Variants in KDM5A observed in about 807,000 individuals in gnomAD.
The protein encoded by KDM5A is lysine-specific demethylase 5A.
In KDM5A, 42 loss-of-function variants were observed where a neutral mutation model predicts 193.5. That is an observed-to-expected ratio of 0.22 (90% CI 0.17 to 0.28). KDM5A has a LOEUF of 0.28. KDM5A is among the 10% of genes least tolerant of loss of function. KDM5A has a pLI of 1.00. For missense variants in KDM5A, 1,692 were observed against 2,055.1 expected (o/e 0.82, Z 3.42); for synonymous variants, 796 against 718.1 (o/e 1.11, Z -1.73).
At chr12:330,083 G>A (rs185933096) in intron 13 of KDM5A, among the ~76,000 whole-genome samples, 8,954 of 126,954 alleles carry the variant, frequency 0.071, 637 homozygotes, top group African/African-American at 0.2. Context: ...GTGTGTGTGT[G>A]TGTATATATA....
chr12:360,348 A>C (rs1468195243), intron 5 of KDM5A, among the ~76,000 whole-genome samples: 1 of 152,144 alleles, frequency 6.6e-6, no homozygotes, highest in African/African-American at 2.4e-5. Flanking sequence ...TGAGACAGCT[A>C]AGGAGAGTGA....
rs756358592 is a variant in KDM5A, at chr12:307,024, A to G, written c.3996T>C (p.Pro1332=). 4.3e-6 allele frequency: 7 copies of G among 1,614,074 alleles called. No homozygotes were observed. In the Admixed American group the frequency reaches 5.0e-5, roughly 12 times the overall value. ...NRVVSSVSSS[P]RQTMDYDDEE... is the part of the protein sequence containing the mutation. ...CATCATCATAGTCCATTGTTTGTCG[A>G]GGAGAAGATGACACACTGCTCACCA... The change falls in exon 24 of 28, where the codon CCT becomes CCC. Residue 1332 remains proline, a synonymous_variant. Transcript: ENST00000399788. The surrounding 1 kb of genome is among the most constrained non-coding windows in gnomAD (Gnocchi z 4.3).
At chr12:379,886 T>C (rs1862656088) in intron 3 of KDM5A, among the ~76,000 whole-genome samples, 1 of 152,184 alleles carries the variant, frequency 6.6e-6, no homozygotes, top group African/African-American at 2.4e-5. Context: ...GGATGACCGT[T>C]ATAAGGAGAA....
At chr12:364,925 T>C (rs749972352) in intron 4 of KDM5A, among the ~76,000 whole-genome samples, 5 of 152,150 alleles carry the variant, frequency 3.3e-5, no homozygotes, top group Non-Finnish European at 5.9e-5. Context: ...GCATTATTCA[T>C]AATAGCCATA....
chr12:359,706 C>T (rs1431261622), intron 5 of KDM5A, among the ~76,000 whole-genome samples: 2 of 141,452 alleles, frequency 1.4e-5, no homozygotes, highest in East Asian at 4.5e-4. Context: ...TGCGCCACTG[C>T]ACTCCAGCCT....
chr12:343,644 C>T (rs1357395384), intron 10 of KDM5A, among the ~76,000 whole-genome samples: 1 of 152,200 alleles, frequency 6.6e-6, no homozygotes, highest in Non-Finnish European at 1.5e-5. Context: ...GGACCTCCAA[C>T]AAACTCCAAC....
intron 3 of KDM5A, among the ~76,000 whole-genome samples, chr12:370,343 G>C (rs775655094): frequency 6.6e-6 from 1 of 152,122 alleles, no homozygotes. Context: ...CAGGGAGCTG[G>C]TTTCATGCCA....
intron 26 of KDM5A, among the ~76,000 whole-genome samples, chr12:293,794 G>C (rs1308939597): frequency 7.2e-6 from 1 of 138,408 alleles, no homozygotes; most frequent in Non-Finnish European, 1.6e-5. Flanking sequence ...AAAAAGGGGG[G>C]GGGGGGGATT....
chr12:371,757 T>C (rs1433692807), intron 3 of KDM5A, among the ~76,000 whole-genome samples: 2 of 152,218 alleles, frequency 1.3e-5, no homozygotes, highest in East Asian at 1.9e-4. Flanking sequence ...AAGTCTTTAA[T>C]CCATCTTCAA....
At chr12:354,542 C>T (rs1944207045) in intron 7 of KDM5A, among the ~76,000 whole-genome samples, 2 of 152,074 alleles carry the variant, frequency 1.3e-5, no homozygotes, top group African/African-American at 4.8e-5. Flanking sequence ...CCACAGTGGG[C>T]AGATCACGAG....
chr12:337,487 T>C (rs1156424364), intron 10 of KDM5A, among the ~76,000 whole-genome samples: 1 of 151,714 alleles, frequency 6.6e-6, no homozygotes, highest in East Asian at 1.9e-4. Context: ...AATGGAAGAG[T>C]CATACGCAAA....
intron 10 of KDM5A, among the ~76,000 whole-genome samples, chr12:335,936 G>C (rs769349658): frequency 1.3e-5 from 2 of 151,368 alleles, no homozygotes; most frequent in Non-Finnish European, 2.9e-5. Flanking sequence ...CCAGCTACTG[G>C]GGAGGCTGAG....
intron 3 of KDM5A, among the ~76,000 whole-genome samples, chr12:377,762 C>T (rs777789067): frequency 4.6e-5 from 7 of 151,974 alleles, no homozygotes; most frequent in Non-Finnish European, 8.8e-5. Context: ...GGAAGACTTA[C>T]AACAAGGAAA....
At chr12:388,265 C>T (rs565311089) in intron 1 of KDM5A, 1 of 455,990 alleles carries the variant, frequency 2.2e-6, no homozygotes, top group Non-Finnish European at 4.4e-6. Context: ...ACCTTATAGG[C>T]AAACCTAGTT....
chr12:286,256 A>G (rs1322402745), intron 27 of KDM5A: 3 of 474,046 alleles, frequency 6.3e-6, no homozygotes, highest in Admixed American at 2.4e-5. Context: ...AAATTAACCA[A>G]TTATAACAGT....
intron 3 of KDM5A, among the ~76,000 whole-genome samples, chr12:371,731 T>G (rs1944430434): frequency 6.6e-6 from 1 of 152,232 alleles, no homozygotes; most frequent in African/African-American, 2.4e-5. Flanking sequence ...TTTTTATGGT[T>G]TTAGGTCTAA....
intron 27 of KDM5A, 87 bp downstream of exon 27, chr12:292,672 A>C: frequency 1.3e-6 from 2 of 1,551,020 alleles, no homozygotes; most frequent in Non-Finnish European, 8.9e-7. Context: ...AGAACCAAAA[A>C]CATACTACAC....
intron 10 of KDM5A, among the ~76,000 whole-genome samples, chr12:337,110 AAAGTGTGGGG>A (rs919521737): frequency 2.0e-5 from 3 of 152,058 alleles, no homozygotes; most frequent in African/African-American, 7.2e-5. Context: ...TGGTTGTTTA[AAAGTGTGGGG>A]CAACTCCCGC....
intron 24 of KDM5A, among the ~76,000 whole-genome samples, chr12:300,782 AG>A (rs1255408815): frequency 6.6e-6 from 1 of 152,216 alleles, no homozygotes; most frequent in East Asian, 1.9e-4. Flanking sequence ...ATAGACCGCT[AG>A]GCAGACTAAA....
Sources: allele counts gnomAD v4.1 joint callset (sites outside exome capture counted in the v4.1 genomes callset), GRCh38; gene constraint gnomAD v4.1.1; non-coding constraint Gnocchi (gnomAD v3.1); transcripts MANE v1.5; gene names NCBI Gene and HGNC (gene_info 2026-07-23, HGNC 2026-07-21).